Variants in ATM observed in about 807,000 individuals in gnomAD.
The protein encoded by ATM is serine-protein kinase ATM.
In ATM, 308 loss-of-function variants were observed where a neutral mutation model predicts 387.0. That is an observed-to-expected ratio of 0.80 (90% confidence interval 0.73 to 0.87). The LOEUF (loss-of-function observed/expected upper bound fraction) is 0.87. Ranked by LOEUF, ATM falls within the 40% of genes least tolerant of loss-of-function variation. The probability of loss-of-function intolerance (pLI) is 0.00; values close to 1 mark genes in which losing one functional copy is unlikely to be tolerated. For missense variants in ATM, 3,312 were observed against 3,560.9 expected, an observed-to-expected ratio of 0.93 and a Z score of 1.78; for synonymous variants, 1,156 against 1,187.3, an observed-to-expected ratio of 0.97 and a Z score of 0.54.
rs186602648 is a variant in ATM, at chr11:108,230,031, C to G, written c.331+708C>G. On this transcript the variant is annotated intron_variant, in intron 4 of 62. Transcript: ENST00000675843. The stretch of plus-strand genomic sequence containing the variant: ...TAAACTACCCAGTCTTGGATGCCCT[C>G]TCTACGTCCCTAGCCTTTAGGTAGA... 2.0e-5 allele frequency: 3 copies of G among 152,354 alleles called. No homozygotes were observed. The East Asian group carries it at 5.8e-4, about 29-fold the overall frequency. 9.4% of individuals were successfully genotyped at this position (152,354 alleles called of 1,614,324 possible). A position where few individuals can be genotyped will look rare whatever the true frequency, so the allele number is the denominator to read the frequency against.
Position 108,312,506 on chromosome 11 carries a change from T to C in ATM, c.6006+8T>C, listed in dbSNP as rs56019194. On this transcript the variant is annotated splice_region_variant and intron_variant, in intron 40 of 62. Coordinates refer to ENST00000675843, the MANE Select transcript of ATM (RefSeq NM_000051.4). ...ACTGGAATAAGTTTACAGGTAAATA[T>C]TAGAGGCTCTATTATTTATGACAGT... 89 of 1,513,644 alleles carry C rather than the reference T, an allele frequency of 5.9e-5. No individual in the cohort carries two copies. In the South Asian group the frequency reaches 6.5e-4, roughly 11 times the overall value. 93.8% of individuals were successfully genotyped at this position (1,513,644 alleles called of 1,614,324 possible).
At chr11:108,359,422 AACTCAGCTCTGC>A (rs2090436281) in intron 61 of ATM, among the ~76,000 whole-genome samples, 1 of 152,140 alleles carries the variant, frequency 6.6e-6, no homozygotes, top group African/African-American at 2.4e-5. Context: ...CCAGGAATTG[AACTCAGCTCTGC>A]ACCAAGCGGA....
At chr11:108,339,052 A>T (rs2087178093) in intron 56 of ATM, among the ~76,000 whole-genome samples, 2 of 152,190 alleles carry the variant, frequency 1.3e-5, no homozygotes, top group South Asian at 4.1e-4. Flanking sequence ...AGAGACTTGT[A>T]TATTGAGGCA....
In ATM at chr11:108,254,051, T is replaced by A. The variant is rs61278354; in HGVS notation, c.2124+12T>A. ...ATTACTCATCTGAGGTGAGATTTTT[T>A]AAAAAAAGAACTAAGCTTATATATG... On this transcript the variant is annotated intron_variant, in intron 13 of 62. Coordinates refer to ENST00000675843, the MANE Select transcript of ATM (RefSeq NM_000051.4). The A allele has an allele frequency of 6.2e-7, 1 of 1,610,606 alleles. No individual in the cohort carries two copies. The highest frequency in any genetic ancestry group is 8.5e-7 in the Non-Finnish European group (1 of 1,178,002).
In ATM at chr11:108,287,707, C is replaced by T. The variant is rs587780623; in HGVS notation, c.4101C>T (p.Asp1367=). ...CCAGTCAGAGCACTGACCTCTGTGA[C>T]TTTTCAGGGTATGTACATTTTAAAC... ...SSASQSTDLC[D]FSGDLDPAPN... The change falls in exon 27 of 63, where the codon GAC becomes GAT. Residue 1367 remains aspartate (D), a synonymous_variant. Transcript: ENST00000675843. 1.9e-6 allele frequency: 3 copies of T among 1,610,826 alleles called. No homozygotes were observed. The East Asian group carries it at 6.7e-5, about 36-fold the overall frequency.
At chr11:108,349,883 T>C (rs1298934037) in intron 59 of ATM, among the ~76,000 whole-genome samples, 1 of 152,116 alleles carries the variant, frequency 6.6e-6, no homozygotes, top group African/African-American at 2.4e-5. Flanking sequence ...TGGCTTTAGA[T>C]TGGAGGCATG....
At chr11:108,268,697 G>T in intron 18 of ATM, 88 bp downstream of exon 18, 1 of 1,383,022 alleles carries the variant, frequency 7.2e-7, no homozygotes, top group African/African-American at 1.4e-5. Flanking sequence ...ATCACATGGT[G>T]TCTTTGAAGA....
chr11:108,252,024 C>T lies in ATM; in HGVS notation c.1795C>T (p.Leu599Phe), dbSNP rs1312313805. 1 of 1,611,640 alleles carries T rather than the reference C, an allele frequency of 6.2e-7. No individual in the cohort carries two copies. ...LENSTEVPPI[L>F]HSNFPHLVLE... ...AAATAGCACAGAAGTGCCTCCAATT[C>T]TTCACAGGTAATTTAAGTTCATTAG... The change falls in exon 11 of 63, where the codon CTT (leucine) becomes TTT (phenylalanine). Residue 599 changes from leucine to phenylalanine, a missense_variant. Leu to Phe is a conservative substitution (Grantham distance 22). Transcript: ENST00000675843.
At position 108,247,410 on chromosome 11, in the gene ATM, C is replaced by G. The variant is rs979388245; in HGVS notation, c.1065+283C>G. 5.9e-5 allele frequency among the ~76,000 whole-genome samples: 9 copies of G among 152,230 alleles called. No homozygotes were observed. The South Asian group carries it at 1.9e-3, about 32-fold the overall frequency. The stretch of plus-strand genomic sequence containing the variant: ...CTAACCCTAATGATTCGATTCGACT[C>G]GACTGTATTCTACAAAGTGCTGGGA... On this transcript the variant is annotated intron_variant, in intron 8 of 62. Transcript: ENST00000675843.
At chr11:108,309,779 G>C (rs1232894843) in intron 38 of ATM, among the ~76,000 whole-genome samples, 2 of 152,088 alleles carry the variant, frequency 1.3e-5, no homozygotes, top group African/African-American at 4.8e-5. Flanking sequence ...TAAATTGACT[G>C]TTTTAAAGTG....
intron 16 of ATM, among the ~76,000 whole-genome samples, chr11:108,266,606 G>T (rs1462930612): frequency 6.6e-6 from 1 of 151,732 alleles, no homozygotes; most frequent in East Asian, 1.9e-4. Context: ...TGCACAATGT[G>T]CACATGTACC....
chr11:108,233,712 T>A (rs982304854), intron 4 of ATM, among the ~76,000 whole-genome samples: 6 of 151,946 alleles, frequency 3.9e-5, no homozygotes, highest in Non-Finnish European at 7.4e-5. Context: ...CTGAGTGTAG[T>A]GGTGCTTGCC....
At position 108,351,475 on chromosome 11, in the gene ATM, T is replaced by C. The variant is rs977832495; in HGVS notation, c.8672-2291T>C. Among the ~76,000 whole-genome samples, 4 of 152,258 alleles carry C rather than the reference T, an allele frequency of 2.6e-5. No homozygotes were observed. In the East Asian group the frequency reaches 7.7e-4, roughly 29 times the overall value. On this transcript the variant is annotated intron_variant, in intron 59 of 62. Transcript: ENST00000675843. ...ATTTATTATTATCTCTCATAGTCTG[T>C]TGACTGGGCTCAGCTGGACAGTTTT...
chr11:108,248,820 A>G, intron 8 of ATM, 113 bp from the exon 9 acceptor site: 2 of 860,310 alleles, frequency 2.3e-6, no homozygotes, highest in Non-Finnish European at 3.5e-6. Flanking sequence ...CCTGGGAGGT[A>G]GAGGTTGTGG....
intron 6 of ATM, among the ~76,000 whole-genome samples, chr11:108,244,485 A>G (rs898198136): frequency 3.3e-5 from 5 of 152,186 alleles, no homozygotes; most frequent in African/African-American, 1.2e-4. Context: ...GCAGTACTCA[A>G]TGTATAATGT....
In ATM at chr11:108,310,139, TTA is replaced by T. The variant is rs1064793040; in HGVS notation, c.5763-17_5763-16del. On this transcript the variant is annotated intron_variant, in intron 38 of 62. Coordinates refer to ENST00000675843, the MANE Select transcript of ATM (RefSeq NM_000051.4). ...TTGAAGTTTAAAAAAGTGAATGACATTATATCTCATTTTTCTTTAGACCTTCT... is the reference window on the plus strand; with the variant it reads ...TTGAAGTTTAAAAAAGTGAATGACATTATCTCATTTTTCTTTAGACCTTCT... 5 of 1,606,698 alleles carry T rather than the reference TTA, an allele frequency of 3.1e-6. No individual in the cohort carries two copies. The highest frequency in any genetic ancestry group is 4.3e-6 in the Non-Finnish European group (5 of 1,174,212).
At chr11:108,301,466 A>G (rs2083426025) in intron 34 of ATM, among the ~76,000 whole-genome samples, 182 bp from the exon 35 acceptor site, 1 of 152,222 alleles carries the variant, frequency 6.6e-6, no homozygotes, top group Admixed American at 6.5e-5. Flanking sequence ...TAGTAATTCA[A>G]GTTTACTGAA....
intron 45 of ATM, among the ~76,000 whole-genome samples, chr11:108,325,078 G>A (rs1350759260): frequency 6.6e-6 from 1 of 151,976 alleles, no homozygotes; most frequent in Non-Finnish European, 1.5e-5. Flanking sequence ...TTTGATGTTT[G>A]TCATCTGTGA....
At chr11:108,325,249 G>GTTTTTTTTTTTTTTTTTTTTTT in intron 45 of ATM, 61 bp from the exon 46 acceptor site, 1 of 565,840 alleles carries the variant, frequency 1.8e-6, no homozygotes, top group East Asian at 3.4e-5. Context: ...AACTTACATA[G>GTTTTTTTTTTTTTTTTTTTTTT]TTTTTTTTTT....
Sources: gnomAD v4.1 joint callset for allele counts (sites outside exome capture counted in the v4.1 genomes callset) on GRCh38, gnomAD v4.1.1 for gene constraint, MANE v1.5 for transcripts, NCBI Gene and HGNC (gene_info 2026-07-23, HGNC 2026-07-21) for gene names.